EML6: variants seen among roughly 807,000 people sequenced by gnomAD.
EML6 encodes the protein EMAP like 6, also known as echinoderm microtubule-associated protein-like 6.
In EML6, 154 loss-of-function variants were observed where a neutral mutation model predicts 240.1. The ratio of observed to expected loss-of-function variants is 0.64; its 90% CI spans 0.56 to 0.73. EML6 has a LOEUF of 0.73. Ranked by LOEUF, EML6 falls within the 30% of genes least tolerant of loss-of-function variation. The pLI, the probability that EML6 is intolerant of heterozygous loss-of-function variation, is 0.00. For synonymous variants in EML6, 1,148 were observed against 899.0 expected (o/e 1.28, Z -4.95); for missense variants, 2,964 against 2,474.6 (o/e 1.20, Z -4.20).
chr2:54,961,191 T>TTTTTTTTTG (rs1558729637), intron 35 of EML6, among the ~76,000 whole-genome samples: 1 of 111,672 alleles, frequency 9.0e-6, no homozygotes, highest in Non-Finnish European at 1.8e-5. Context: ...GTAGTTTTTT[T>TTTTTTTTTG]TTTTTTTTTT....
At chr2:54,747,337 C>G (rs1683957689) in intron 2 of EML6, 1 of 152,166 alleles carries the variant, frequency 6.6e-6, no homozygotes, top group African/African-American at 2.4e-5. Context: ...ATGACAGAAG[C>G]AAATCTAGCC....
intron 28 of EML6, among the ~76,000 whole-genome samples, chr2:54,939,166 T>C (rs1247972952): frequency 2.0e-5 from 3 of 152,390 alleles, no homozygotes; most frequent in Admixed American, 6.5e-5. Context: ...GTTGACACTT[T>C]GTCATTAAAA....
At chr2:54,783,032 C>G (rs1572890909) in intron 2 of EML6, among the ~76,000 whole-genome samples, 1 of 152,160 alleles carries the variant, frequency 6.6e-6, no homozygotes, top group East Asian at 1.9e-4. Context: ...GCCCAATTAG[C>G]TCTGTCCTTG....
chr2:54,728,550 CG>C (rs1482956617), intron 2 of EML6, among the ~76,000 whole-genome samples: 6 of 152,098 alleles, frequency 3.9e-5, no homozygotes, highest in Admixed American at 6.6e-5. Flanking sequence ...TGCCATTTAC[CG>C]GGGGTATCTG....
chr2:54,871,430 G>A (rs1671249826), intron 15 of EML6, 70 bp from the exon 16 acceptor site: 1 of 1,189,970 alleles, frequency 8.4e-7, no homozygotes, highest in African/African-American at 1.5e-5. Context: ...AGCAGTGTTG[G>A]ACTCTAAGGA....
intron 5 of EML6, among the ~76,000 whole-genome samples, chr2:54,822,496 A>T (rs541813586): frequency 1.5e-3 from 232 of 152,338 alleles, no homozygotes; most frequent in Middle Eastern, 0.014. Context: ...CAAACAGAAG[A>T]TCTGAAACCA....
intron 32 of EML6, among the ~76,000 whole-genome samples, chr2:54,955,712 C>T (rs1223660579): frequency 1.3e-5 from 2 of 152,190 alleles, no homozygotes; most frequent in Non-Finnish European, 2.9e-5. Flanking sequence ...CTTCTGACCT[C>T]CCAGGGGAAG....
At chr2:54,837,067 T>G (rs543512423) in intron 7 of EML6, among the ~76,000 whole-genome samples, 32 of 152,154 alleles carry the variant, frequency 2.1e-4, no homozygotes, top group Admixed American at 3.3e-4. Flanking sequence ...CCTCTTAAGT[T>G]TGGGTGAAAT....
At position 54,951,718 on chromosome 2, in the gene EML6, C is replaced by G. The variant is rs755865282; in HGVS notation, c.4214-876C>G. 2.7e-5 allele frequency among the ~76,000 whole-genome samples: 4 copies of G among 150,802 alleles called. No individual in the cohort carries two copies. The East Asian group carries it at 7.7e-4, about 29-fold the overall frequency. On this transcript the variant is annotated intron_variant, in intron 30 of 41. Transcript: ENST00000356458. ...ATGCCTCAAGAAAAAAAAAAAAACA[C>G]CTTTCATTTTAAATTTTTGTTCTTT...
chr2:54,912,190 C>T (rs1452439878), intron 25 of EML6, among the ~76,000 whole-genome samples: 4 of 152,108 alleles, frequency 2.6e-5, no homozygotes, highest in East Asian at 3.8e-4. Context: ...AAATATACAT[C>T]GTTATAGATC....
intron 7 of EML6, among the ~76,000 whole-genome samples, chr2:54,842,038 T>C (rs2103662575): frequency 6.6e-6 from 1 of 152,260 alleles, no homozygotes; most frequent in South Asian, 2.1e-4. Context: ...ACCAGAGTGG[T>C]ACATTTGTTC....
Position 54,971,079 on chromosome 2 carries a change from C to T in EML6, c.*984C>T, listed in dbSNP as rs1335073991. On this transcript the variant is annotated 3_prime_UTR_variant, in exon 42 of 42. Transcript: ENST00000356458. ...TAAGATAAATGAGGGTAACCCAAGG[C>T]TGCACCTTGGTGTACCACCCTGAGT... is the stretch of plus-strand genomic sequence containing the variant. 3 of 152,214 alleles carry T rather than the reference C, an allele frequency of 2.0e-5. No homozygotes were observed. Among genetic ancestry groups the T allele is most frequent in the Non-Finnish European group, 4.4e-5 (3 of 68,052 alleles). The allele number at this position is 152,214 out of a possible 1,614,324, so 9.4% of individuals were successfully genotyped here.
At position 54,817,950 on chromosome 2, in the gene EML6, G is replaced by C. The variant is rs144778482; in HGVS notation, c.456+1065G>C. Among the ~76,000 whole-genome samples the C allele has an allele frequency of 6.6e-5, 10 of 151,980 alleles. No individual in the cohort carries two copies. In the East Asian group the frequency reaches 1.2e-3, roughly 18 times the overall value. ...ACAATAGAACCTCAGTACTGGAAGA[G>C]GCCTGGTACCCCTCTCGTCCAGTAG... On this transcript the variant is annotated intron_variant, in intron 4 of 41. Transcript: ENST00000356458.
intron 24 of EML6, among the ~76,000 whole-genome samples, chr2:54,908,235 G>T (rs2104267682): frequency 1.3e-5 from 2 of 149,760 alleles, no homozygotes; most frequent in African/African-American, 4.9e-5. Context: ...TTTGAGACAG[G>T]GTCCCACTCT....
At chr2:54,845,021 A>G (rs543662783) in intron 8 of EML6, among the ~76,000 whole-genome samples, 5 of 152,316 alleles carry the variant, frequency 3.3e-5, no homozygotes, top group South Asian at 2.1e-4. Flanking sequence ...AGACTGATCA[A>G]TCGATTGAAT....
chr2:54,936,919 T>A (rs1348112147), intron 28 of EML6, among the ~76,000 whole-genome samples: 1 of 151,986 alleles, frequency 6.6e-6, no homozygotes, highest in Non-Finnish European at 1.5e-5. Flanking sequence ...GACTTTGGGC[T>A]TGTTGCCAGT....
intron 15 of EML6, 88 bp from the exon 16 acceptor site, chr2:54,871,412 G>T: frequency 1.0e-6 from 1 of 970,714 alleles, no homozygotes; most frequent in Non-Finnish European, 1.6e-6. Flanking sequence ...GGTTTATCTT[G>T]GTTTCTGAGC....
intron 7 of EML6, among the ~76,000 whole-genome samples, chr2:54,837,150 C>T (rs1364570313): frequency 6.6e-6 from 1 of 152,164 alleles, no homozygotes; most frequent in Non-Finnish European, 1.5e-5. Flanking sequence ...GTTTTGCATC[C>T]TTAATAAGGT....
At chr2:54,795,989 A>G (rs1212039027) in intron 2 of EML6, among the ~76,000 whole-genome samples, 1 of 152,184 alleles carries the variant, frequency 6.6e-6, no homozygotes, top group African/African-American at 2.4e-5. Flanking sequence ...CAAAATCTAG[A>G]TGAGATGCTT....
Sources: allele counts gnomAD v4.1 joint callset (sites outside exome capture counted in the v4.1 genomes callset), GRCh38; gene constraint gnomAD v4.1.1; transcripts MANE v1.5; gene names NCBI Gene and HGNC (gene_info 2026-07-23, HGNC 2026-07-21).